Variants in CPAMD8 observed in about 807,000 individuals in gnomAD.
The protein encoded by CPAMD8 is C3 and PZP-like alpha-2-macroglobulin domain-containing protein 8.
A neutral mutation model predicts 224.7 loss-of-function variants in CPAMD8; 146 were observed. The observed-to-expected ratio is 0.65, with a 90% CI of 0.57 to 0.75. The LOEUF (loss-of-function observed/expected upper bound fraction) is 0.75, where lower values mean the gene tolerates loss of function less well. CPAMD8 is among the 30% of genes least tolerant of loss of function. The probability of loss-of-function intolerance (pLI) is 0.00; values close to 1 mark genes in which losing one functional copy is unlikely to be tolerated. For missense variants in CPAMD8, 2,301 were observed against 2,537.5 expected (o/e 0.91, Z 2.00); for synonymous variants, 966 against 1,044.6 (o/e 0.92, Z 1.45).
At position 16,953,355 on chromosome 19, in the gene CPAMD8, A is replaced by G. The variant is rs569868992; in HGVS notation, c.2277-1155T>C. The stretch of plus-strand genomic sequence containing the variant: ...AGGTACAAGCAAAAAAAAAAAAAAA[A>G]GAGTAGACAAGTTGGACTTTATGAA... On this transcript the variant is annotated intron_variant, in intron 19 of 41. Transcript: ENST00000443236. 9.3e-4 allele frequency among the ~76,000 whole-genome samples: 138 copies of G among 148,984 alleles called. 4 individuals are homozygous for G. The South Asian group carries it at 0.029, about 31-fold the overall frequency.
intron 5 of CPAMD8, chr19:17,009,639 T>C (rs1437836161): frequency 1.8e-5 from 4 of 224,786 alleles, no homozygotes; most frequent in Non-Finnish European, 3.7e-5. Flanking sequence ...CCGGGCATGG[T>C]CGTGGGTGCC....
At chr19:16,924,870 C>A (rs2053303170) in intron 26 of CPAMD8, among the ~76,000 whole-genome samples, 4 of 152,308 alleles carry the variant, frequency 2.6e-5, no homozygotes, top group Admixed American at 2.0e-4. Context: ...CAGGCATCAG[C>A]CACTGTGCCT....
At chr19:16,921,264 G>A (rs1049681534) in intron 27 of CPAMD8, among the ~76,000 whole-genome samples, 15 of 152,102 alleles carry the variant, frequency 9.9e-5, no homozygotes, top group Admixed American at 3.3e-4. Context: ...CAGTTTCCAC[G>A]CTCACAGCTG....
chr19:16,927,371 A>T (rs1377864163), intron 25 of CPAMD8, among the ~76,000 whole-genome samples: 1 of 151,998 alleles, frequency 6.6e-6, no homozygotes, highest in Non-Finnish European at 1.5e-5. Flanking sequence ...GTCGCCTTCC[A>T]CCATGATTGT....
intron 1 of CPAMD8, among the ~76,000 whole-genome samples, chr19:17,025,981 G>GC (rs751305804): frequency 1.3e-4 from 20 of 152,082 alleles, no homozygotes; most frequent in Non-Finnish European, 1.9e-4. Flanking sequence ...GACCAGGGCA[G>GC]CCCCCCTGAA....
At chr19:16,946,861 TC>T (rs1333698729) in intron 21 of CPAMD8, among the ~76,000 whole-genome samples, 1 of 152,074 alleles carries the variant, frequency 6.6e-6, no homozygotes, top group African/African-American at 2.4e-5. Flanking sequence ...AGAGCCCAGC[TC>T]CCCCAACAGG....
chr19:16,953,219 A>G (rs910656860), intron 19 of CPAMD8, among the ~76,000 whole-genome samples: 1 of 152,148 alleles, frequency 6.6e-6, no homozygotes, highest in Admixed American at 6.6e-5. Context: ...TTAACTCAAA[A>G]TGAATCCATG....
intron 23 of CPAMD8, among the ~76,000 whole-genome samples, chr19:16,931,528 C>T (rs530131486): frequency 3.9e-5 from 6 of 152,326 alleles, no homozygotes; most frequent in Non-Finnish European, 5.9e-5. Flanking sequence ...ACTGCCAGTG[C>T]CCATGCCAAG....
chr19:17,002,214 T>TGGGGAA (rs1285733290), intron 9 of CPAMD8, 52 bp downstream of exon 9: 13 of 1,200,914 alleles, frequency 1.1e-5, no homozygotes, highest in Non-Finnish European at 1.6e-5. Context: ...GCGTGATGGT[T>TGGGGAA]GGGGAAGGGG....
rs3067791 is a variant in CPAMD8 at position 16,990,863 on chromosome 19, C to CAAAAAAAAA, written c.1267-1101_1267-1093dup. On this transcript the variant is annotated intron_variant, in intron 12 of 41. Coordinates refer to ENST00000443236, the MANE Select transcript of CPAMD8 (RefSeq NM_015692.5). The stretch of plus-strand genomic sequence containing the variant: ...GGGCAATAAGAGCAAAACTCTGTCT[C>CAAAAAAAAA]AAAAAAAAAAAAAAAAAAAAAAAAA... Among the ~76,000 whole-genome samples the CAAAAAAAAA allele has an allele frequency of 4.9e-4, 36 of 73,142 alleles. 3 individuals are homozygous for CAAAAAAAAA. Among genetic ancestry groups the CAAAAAAAAA allele is most frequent in the African/African-American group, 1.9e-3 (31 of 16,600 alleles). The allele number at this position is 73,142 out of a possible 152,430, so 48.0% of individuals were successfully genotyped here. A position where few individuals can be genotyped will look rare whatever the true frequency, so the allele number is the denominator to read the frequency against.
chr19:16,976,010 G>C lies in CPAMD8; in HGVS notation c.1900C>G (p.Pro634Ala). 6.3e-7 allele frequency: 1 copy of C among 1,594,594 alleles called. No individual in the cohort carries two copies. The highest frequency in any genetic ancestry group is 1.1e-5 in the South Asian group (1 of 88,930). Residue 634 changes from proline to alanine, a missense_variant, in exon 16 of 42, where the codon CCT (proline) becomes GCT (alanine). This residue lies in a region of CPAMD8 where 1,709 missense variants were observed against 1,753.2 expected (regional missense o/e 0.97). Transcript: ENST00000443236. The part of the protein sequence containing the change: ...YLLRSGFRLT[P>A]AQVFQELEDY... ...CCGAGGGGTCTGCTCACCTGGGCAG[G>C]AGTCAGCCGGAACCCAGACCTGAGC...
chr19:17,003,260 G>T (rs1439358757), intron 8 of CPAMD8, among the ~76,000 whole-genome samples: 1 of 151,412 alleles, frequency 6.6e-6, no homozygotes, highest in Non-Finnish European at 1.5e-5. Context: ...GAGAATAGTG[G>T]TGCAATCACA....
rs112768289 is a variant in CPAMD8, at chr19:17,018,920, G to GAAA, written c.267+1408_267+1410dup. On this transcript the variant is annotated intron_variant, in intron 3 of 41. Transcript: ENST00000443236. Reference sequence around the variant, plus strand: ...GAGACTTCATCTCAAAAAAAAAAAAGAAAAAAAAAACCACTGAAACAATCT... The same window carrying GAAA: ...GAGACTTCATCTCAAAAAAAAAAAAGAAAAAAAAAAAAACCACTGAAACAATCT... Among the ~76,000 whole-genome samples the GAAA allele has an allele frequency of 1.3e-3, 189 of 140,628 alleles. 1 individual carries two copies. The highest frequency in any genetic ancestry group is 1.8e-3 in the African/African-American group (67 of 38,058). The allele number at this position is 140,628 out of a possible 152,430, so 92.3% of individuals were successfully genotyped here. A position where few individuals can be genotyped will look rare whatever the true frequency, so the allele number is the denominator to read the frequency against.
intron 10 of CPAMD8, chr19:17,000,162 G>C (rs2056263715): frequency 2.6e-6 from 1 of 383,084 alleles, no homozygotes; most frequent in Non-Finnish European, 4.7e-6. Flanking sequence ...CCATATAACT[G>C]TTTTAGAAAG....
chr19:16,989,735 C>T lies in CPAMD8; in HGVS notation c.1303G>A (p.Ala435Thr), dbSNP rs374956178. Reference sequence around the variant, plus strand: ...GAGAGGTAGCTGGGCAGGTACTGAGCCCCCACAGGCTTCCCGTTCAGTGCC... The same window carrying T: ...GAGAGGTAGCTGGGCAGGTACTGAGTCCCCACAGGCTTCCCGTTCAGTGCC... ...VMALNGKPVG[A>T]QYLPSYLSLG... Residue 435 changes from alanine (A) to threonine (T), a missense_variant, in exon 13 of 42, where the codon GCT (alanine) becomes ACT (threonine). Around this residue, in one of 4 missense-constraint regions of CPAMD8, gnomAD observed 301 missense variants for 406.6 expected, o/e 0.74. Coordinates refer to ENST00000443236, the MANE Select transcript of CPAMD8 (RefSeq NM_015692.5). 61 of 1,613,822 alleles carry T rather than the reference C, an allele frequency of 3.8e-5. 1 individual carries two copies. In the Middle Eastern group the frequency reaches 6.6e-4, roughly 17 times the overall value.
rs1418497237 is a variant in CPAMD8 at position 16,897,585 on chromosome 19, GC to G, written c.5065+105del. ...GCTGCGTTCTCCTGACTTTACGTTG[GC>G]CCCTCCTCTGCCAAGCCCCCAGGGG... is the stretch of plus-strand genomic sequence containing the variant. On this transcript the variant is annotated intron_variant, in intron 39 of 41. Transcript: ENST00000443236. The G allele has an allele frequency of 2.9e-5, 18 of 629,204 alleles. No individual in the cohort carries two copies. The East Asian group carries it at 5.5e-4, about 19-fold the overall frequency. 39.0% of individuals were successfully genotyped at this position (629,204 alleles called of 1,614,324 possible). A position where few individuals can be genotyped will look rare whatever the true frequency, so the allele number is the denominator to read the frequency against.
At chr19:16,900,026 G>A (rs550800350) in intron 36 of CPAMD8, among the ~76,000 whole-genome samples, 1 of 151,976 alleles carries the variant, frequency 6.6e-6, no homozygotes, top group Non-Finnish European at 1.5e-5. Flanking sequence ...AATAGGCCCA[G>A]CTTTCCTGTT....
rs1313383682 is a variant in CPAMD8 at position 17,002,350 on chromosome 19, A to G, written c.674T>C (p.Val225Ala). 1.2e-6 allele frequency: 2 copies of G among 1,602,726 alleles called. No homozygotes were observed. The highest frequency in any genetic ancestry group is 1.7e-5 in the Admixed American group (1 of 59,002). The change falls in exon 9 of 42, where the codon GTG becomes GCG. Residue 225 changes from valine to alanine, a missense_variant and splice_region_variant. Transcript: ENST00000443236. ...AATCAGAAGCTCAAACTTGGGCAAC[A>G]CTGAAGAAAGCAAGCAGAGAGGAGG... is the stretch of plus-strand genomic sequence containing the variant. ...YNKSFEVQKYVLPKFELLIDP... is the reference protein window; with the variant it reads ...YNKSFEVQKYALPKFELLIDP...
In CPAMD8 at chr19:16,980,483, G is replaced by C; in HGVS notation, c.1585+14C>G. 1 of 1,610,006 alleles carries C rather than the reference G, an allele frequency of 6.2e-7. No homozygotes were observed. The highest frequency in any genetic ancestry group is 8.5e-7 in the Non-Finnish European group (1 of 1,178,698). ...AAGGAAGAACAGGAACCTTCTCCCTGCTGCCCGGCTCACCTGTCTCAGAAA... is the reference window on the plus strand; with the variant it reads ...AAGGAAGAACAGGAACCTTCTCCCTCCTGCCCGGCTCACCTGTCTCAGAAA... On this transcript the variant is annotated intron_variant, in intron 14 of 41. Coordinates refer to ENST00000443236, the MANE Select transcript of CPAMD8 (RefSeq NM_015692.5).
Sources: gnomAD v4.1 joint callset for allele counts (sites outside exome capture counted in the v4.1 genomes callset) on GRCh38, gnomAD v4.1.1 for gene constraint, gnomAD v4.1.1 regional missense constraint, MANE v1.5 for transcripts, NCBI Gene and HGNC (gene_info 2026-07-23, HGNC 2026-07-21) for gene names.